Variants in SRR observed in about 807,000 individuals in gnomAD.
SRR encodes the protein serine racemase.
Under a neutral mutation model 32.7 loss-of-function variants are expected in SRR, and 19 were observed. That is an observed-to-expected ratio of 0.58 (90% confidence interval 0.40 to 0.85). SRR has a LOEUF of 0.85. SRR is among the 40% of genes least tolerant of loss of function. The pLI is 0.00. For missense variants in SRR, 373 were observed against 404.7 expected (o/e 0.92, Z 0.67); for synonymous variants, 142 against 140.9 (o/e 1.01, Z -0.06).
chr17:2,317,386 C>T (rs1597265060), intron 2 of SRR, among the ~76,000 whole-genome samples: 2 of 152,018 alleles, frequency 1.3e-5, no homozygotes, highest in Middle Eastern at 3.4e-3. Flanking sequence ...GTGGCGGGCG[C>T]CTGCAGACCC....
Position 2,321,423 on chromosome 17 carries a change from C to A in SRR, c.517C>A (p.Gln173Lys). ...QGTIALEVLN[Q>K]VPLVDALVVP... is the part of the protein sequence containing the mutation. ...GACAATTGCCCTGGAAGTGCTGAAC[C>A]AGGTAAAATAGCTGAGTTCTTCCTG... Residue 173 changes from glutamine to lysine, a missense_variant and splice_region_variant, in exon 5 of 8, where the codon CAG (glutamine) becomes AAG (lysine). Gln to Lys is a moderately conservative substitution (Grantham distance 53, BLOSUM62 1). Transcript: ENST00000344595. 1 of 1,611,606 alleles carries A rather than the reference C, an allele frequency of 6.2e-7. No individual in the cohort carries two copies. Among genetic ancestry groups the A allele is most frequent in the Non-Finnish European group, 8.5e-7 (1 of 1,178,776 alleles).
chr17:2,321,014 C>T (rs1008745487), intron 4 of SRR, among the ~76,000 whole-genome samples: 2 of 152,224 alleles, frequency 1.3e-5, no homozygotes, highest in Non-Finnish European at 2.9e-5. Context: ...AGCACTTGTT[C>T]AGATCTTTTA....
upstream of SRR, chr17:2,303,866 G>A: frequency 1.6e-6 from 1 of 635,636 alleles, no homozygotes; most frequent in Non-Finnish European, 2.5e-6. Flanking sequence ...GACGGTGGCC[G>A]CGCTGGGAGG....
At chr17:2,317,686 T>C (rs1290909466) in intron 2 of SRR, among the ~76,000 whole-genome samples, 184 bp from the exon 3 acceptor site, 1 of 151,882 alleles carries the variant, frequency 6.6e-6, no homozygotes, top group Admixed American at 6.6e-5. Flanking sequence ...CCAGCCGGGA[T>C]AACGGAGACT....
chr17:2,310,111 C>T (rs2075422893), intron 1 of SRR: 1 of 98,440 alleles, frequency 1.0e-5, no homozygotes, highest in South Asian at 2.8e-4. Context: ...GCTAGTAAAT[C>T]TCAACACCTC....
chr17:2,323,116 C>A lies in SRR; in HGVS notation c.595-20C>A. On this transcript the variant is annotated intron_variant, in intron 6 of 7. Coordinates refer to ENST00000344595, the MANE Select transcript of SRR (RefSeq NM_021947.3). ...ATGTTGTGGTTTGTTGTTAAGATGT[C>A]TTAATATTCCTCTTCCCAGGCTCTG... 6.2e-7 allele frequency: 1 copy of A among 1,612,396 alleles called. No individual in the cohort carries two copies. The highest frequency in any genetic ancestry group is 8.5e-7 in the Non-Finnish European group (1 of 1,178,472).
At chr17:2,321,830 T>A (rs974284074) in intron 6 of SRR, among the ~76,000 whole-genome samples, 2 of 152,206 alleles carry the variant, frequency 1.3e-5, no homozygotes, top group African/African-American at 4.8e-5. Context: ...CAGGCTGGAG[T>A]GCAGTGGCAC....
Position 2,323,568 on chromosome 17 carries a change from A to G in SRR, c.805-87A>G, listed in dbSNP as rs532729839. 23 of 1,404,832 alleles carry G rather than the reference A, an allele frequency of 1.6e-5. No individual in the cohort carries two copies. The African/African-American group carries it at 2.0e-4, about 12-fold the overall frequency. The allele number at this position is 1,404,832 out of a possible 1,614,324, so 87.0% of individuals were successfully genotyped here. A position where few individuals can be genotyped will look rare whatever the true frequency, so the allele number is the denominator to read the frequency against. On this transcript the variant is annotated intron_variant, in intron 7 of 7. Transcript: ENST00000344595. ...GTGTACACAGTGATAAGAAAATTCA[A>G]ACTGGACACGTATTCTCATCTGAAC...
intron 4 of SRR, 46 bp downstream of exon 4, chr17:2,318,975 C>A: frequency 7.5e-7 from 1 of 1,336,836 alleles, no homozygotes; most frequent in Non-Finnish European, 1.1e-6. Context: ...TTTCATTTGA[C>A]CAATGGCTCT....
In SRR at chr17:2,324,381, A is replaced by G. The variant is rs763055907; in HGVS notation, c.*508A>G. ...TTCATGTGGCCATGGGTACCTAGAA[A>G]GACATCAGAACAAGTCGGTCAAATT... is the stretch of plus-strand genomic sequence containing the variant. On this transcript the variant is annotated 3_prime_UTR_variant, in exon 8 of 8. Transcript: ENST00000344595. 10 of 1,577,996 alleles carry G rather than the reference A, an allele frequency of 6.3e-6. No individual in the cohort carries two copies. Among genetic ancestry groups the G allele is most frequent in the Non-Finnish European group, 8.6e-6 (10 of 1,164,220 alleles).
In SRR at chr17:2,321,542, G is replaced by C. The variant is rs147900333; in HGVS notation, c.520G>C (p.Val174Leu). ...CTTACAGTTTATATTTTCACTAAAG[G>C]TTCCTTTGGTGGATGCACTGGTGGT... ...GTIALEVLNQ[V>L]PLVDALVVPV... Residue 174 changes from valine to leucine, a missense_variant and splice_region_variant, in exon 6 of 8, where the codon GTT becomes CTT. Physicochemically the swap from Val to Leu is conservative, Grantham distance 32. Transcript: ENST00000344595. The C allele has an allele frequency of 1.2e-6, 2 of 1,613,932 alleles. No individual in the cohort carries two copies. Among genetic ancestry groups the C allele is most frequent in the Non-Finnish European group, 8.5e-7 (1 of 1,179,996 alleles).
At chr17:2,318,797 G>C (rs1340043753) in intron 3 of SRR, 29 bp from the exon 4 acceptor site, 2 of 1,558,082 alleles carry the variant, frequency 1.3e-6, no homozygotes, top group African/African-American at 1.4e-5. Context: ...AAATTCTCCT[G>C]ACTTTTTCCT....
intron 1 of SRR, among the ~76,000 whole-genome samples, chr17:2,306,488 G>C (rs2075391249): frequency 6.6e-6 from 1 of 152,082 alleles, no homozygotes; most frequent in Non-Finnish European, 1.5e-5. Flanking sequence ...AGGCCAAGGT[G>C]GGCAGATCAC....
rs1312955745 is a variant in SRR, at chr17:2,306,752, A to T, written c.-5+2735A>T. 4 of 616,660 alleles carry T rather than the reference A, an allele frequency of 6.5e-6. No homozygotes were observed. In the Admixed American group the frequency reaches 1.1e-4, roughly 17 times the overall value. The allele number at this position is 616,660 out of a possible 1,614,324, so 38.2% of individuals were successfully genotyped here. Reference sequence around the variant, plus strand: ...CAAAACAAACACTTTCCACCCATGGACACCGCCAAGTCTAAGTCAGAGTCT... The same window carrying T: ...CAAAACAAACACTTTCCACCCATGGTCACCGCCAAGTCTAAGTCAGAGTCT... On this transcript the variant is annotated intron_variant, in intron 1 of 7. Coordinates refer to ENST00000344595, the MANE Select transcript of SRR (RefSeq NM_021947.3).
In SRR at chr17:2,306,737, A is replaced by C; in HGVS notation, c.-5+2720A>C. 7 of 581,078 alleles carry C rather than the reference A, an allele frequency of 1.2e-5. No individual in the cohort carries two copies. In the South Asian group the frequency reaches 1.4e-4, roughly 11 times the overall value. The allele number at this position is 581,078 out of a possible 1,614,324, so 36.0% of individuals were successfully genotyped here. A position where few individuals can be genotyped will look rare whatever the true frequency, so the allele number is the denominator to read the frequency against. On this transcript the variant is annotated intron_variant, in intron 1 of 7. Coordinates refer to ENST00000344595, the MANE Select transcript of SRR (RefSeq NM_021947.3). The stretch of plus-strand genomic sequence containing the variant: ...GTCTCAAAAATAAAACAAAACAAAC[A>C]CTTTCCACCCATGGACACCGCCAAG...
chr17:2,315,726 A>G lies in SRR; in HGVS notation c.166A>G (p.Lys56Glu). The G allele has an allele frequency of 6.2e-7, 1 of 1,613,418 alleles. No homozygotes were observed. The highest frequency in any genetic ancestry group is 8.5e-7 in the Non-Finnish European group (1 of 1,179,722). The change falls in exon 2 of 8, where the codon AAG (lysine) becomes GAG (glutamate). Residue 56 changes from lysine to glutamate, a missense_variant and splice_region_variant. Transcript: ENST00000344595. ...ACTCTTCCAGAAAACAGGATCTTTT[A>G]AGGTAACAATCCTTTTTCTCAGTGT... ...CELFQKTGSF[K>E]IRGALNAVRS...
rs1454590770 is a variant in SRR at position 2,321,314 on chromosome 17, A to G, written c.408A>G (p.Glu136=). ...VYCEPSDESR[E]NVAKRVTEET... ...AATTAATGTACTTTCAGTCCAGAGA[A>G]AATGTTGCAAAAAGAGTTACAGAAG... The change falls in exon 5 of 8, where the codon GAA becomes GAG. Residue 136 remains glutamate (E), a synonymous_variant. Coordinates refer to ENST00000344595, the MANE Select transcript of SRR (RefSeq NM_021947.3). The G allele has an allele frequency of 6.2e-7, 1 of 1,613,832 alleles. No individual in the cohort carries two copies. The highest frequency in any genetic ancestry group is 1.7e-5 in the Admixed American group (1 of 59,946).
chr17:2,318,454 A>G (rs865927044), intron 3 of SRR, among the ~76,000 whole-genome samples: 1 of 146,762 alleles, frequency 6.8e-6, no homozygotes, highest in African/African-American at 2.5e-5. Context: ...CTGGCTGAAC[A>G]TGTTTCTTTC....
chr17:2,306,879 C>G lies in SRR; in HGVS notation c.-5+2862C>G, dbSNP rs556364054. 17 of 907,042 alleles carry G rather than the reference C, an allele frequency of 1.9e-5. No individual in the cohort carries two copies. The African/African-American group carries it at 2.3e-4, about 12-fold the overall frequency. 56.2% of individuals were successfully genotyped at this position (907,042 alleles called of 1,614,324 possible). On this transcript the variant is annotated intron_variant, in intron 1 of 7. Transcript: ENST00000344595. ...GCCATTCTGAGCAATGGGGAACACT[C>G]GCGGACTGTGTGGTAATGAGAGATC...
Sources: gnomAD v4.1 joint callset for allele counts (sites outside exome capture counted in the v4.1 genomes callset) on GRCh38, gnomAD v4.1.1 for gene constraint, MANE v1.5 for transcripts, NCBI Gene and HGNC (gene_info 2026-07-23, HGNC 2026-07-21) for gene names.